INPP4B: variants seen among roughly 807,000 people sequenced by gnomAD.
INPP4B encodes inositol polyphosphate-4-phosphatase type II B.
Under a neutral mutation model 122.5 loss-of-function variants are expected in INPP4B, and 55 were observed. That is an observed-to-expected ratio of 0.45 (90% CI 0.36 to 0.56). The LOEUF (loss-of-function observed/expected upper bound fraction) is 0.56, where lower values mean the gene tolerates loss of function less well. Ranked by LOEUF, INPP4B falls within the 20% of genes least tolerant of loss-of-function variation. The probability of loss-of-function intolerance (pLI) is 0.00; values close to 1 mark genes in which losing one functional copy is unlikely to be tolerated. For synonymous variants in INPP4B, 403 were observed against 388.7 expected (o/e 1.04, Z -0.43); for missense variants, 1,000 against 1,097.7 (o/e 0.91, Z 1.26).
At position 142,467,100 on chromosome 4, in the gene INPP4B, C is replaced by T. The variant is rs528800329; in HGVS notation, c.-190-4374G>A. ...ACAGAGAAACTTTACTAGGGCAATG[C>T]GGAGGGGAAATGTGGGATTGGAGAC... On this transcript the variant is annotated intron_variant, in intron 2 of 25. Transcript: ENST00000262992. 6.6e-5 allele frequency among the ~76,000 whole-genome samples: 10 copies of T among 152,306 alleles called. No homozygotes were observed. The East Asian group carries it at 1.4e-3, about 21-fold the overall frequency.
intron 7 of INPP4B, among the ~76,000 whole-genome samples, chr4:142,323,849 G>A (rs1442872386): frequency 6.6e-6 from 1 of 151,956 alleles, no homozygotes; most frequent in Non-Finnish European, 1.5e-5. Context: ...CAGGTAAGGT[G>A]AGGGGTAGGG....
At chr4:142,369,822 T>C (rs760848206) in intron 7 of INPP4B, among the ~76,000 whole-genome samples, 4 of 151,208 alleles carry the variant, frequency 2.6e-5, no homozygotes, top group Non-Finnish European at 5.9e-5. Context: ...TCCCAGCTAC[T>C]TGGGAGGCTG....
chr4:142,053,730 G>A (rs1044048177), intron 25 of INPP4B, among the ~76,000 whole-genome samples: 2 of 152,042 alleles, frequency 1.3e-5, no homozygotes, highest in Non-Finnish European at 2.9e-5. Flanking sequence ...GTAGTAAGGT[G>A]CTAATTGCTA....
chr4:142,202,041 G>A (rs999130988), intron 14 of INPP4B, among the ~76,000 whole-genome samples: 2 of 151,862 alleles, frequency 1.3e-5, no homozygotes, highest in African/African-American at 4.8e-5. Context: ...TTTTAAATGT[G>A]TCTTCCTTTT....
chr4:142,196,343 CT>C (rs1311836544), intron 14 of INPP4B, among the ~76,000 whole-genome samples: 3 of 152,134 alleles, frequency 2.0e-5, no homozygotes, highest in African/African-American at 7.2e-5. Flanking sequence ...CAATTCCTAA[CT>C]GCTTGATGGG....
chr4:142,257,948 G>A (rs867245647), intron 11 of INPP4B, among the ~76,000 whole-genome samples: 1,658 of 150,918 alleles, frequency 0.011, 30 homozygotes, highest in African/African-American at 0.039. Context: ...CCTGACTTCA[G>A]ACTATACTAC....
chr4:142,164,048 A>G (rs563435395), intron 16 of INPP4B, among the ~76,000 whole-genome samples: 4 of 151,900 alleles, frequency 2.6e-5, no homozygotes, highest in Non-Finnish European at 5.9e-5. Flanking sequence ...AGAAAATGAA[A>G]GAGAAATGTT....
chr4:142,722,097 A>G (rs1257923161), intron 2 of INPP4B, among the ~76,000 whole-genome samples: 2 of 152,130 alleles, frequency 1.3e-5, no homozygotes, highest in East Asian at 3.9e-4. Flanking sequence ...TATGATATCA[A>G]ATTATATATA....
At chr4:142,078,612 A>C (rs930498646) in intron 25 of INPP4B, among the ~76,000 whole-genome samples, 10 of 152,146 alleles carry the variant, frequency 6.6e-5, no homozygotes, top group Admixed American at 6.6e-4. Context: ...AATAAGAGCC[A>C]AATGGAGCTT....
chr4:142,122,279 A>C, intron 20 of INPP4B, 34 bp from the exon 21 acceptor site: 1 of 1,463,174 alleles, frequency 6.8e-7, no homozygotes, highest in Non-Finnish European at 9.5e-7. Context: ...GCTACAAACA[A>C]ACATTTGAGG....
intron 24 of INPP4B, among the ~76,000 whole-genome samples, chr4:142,083,261 CAG>C (rs1229607717): frequency 6.6e-6 from 1 of 152,132 alleles, no homozygotes; most frequent in Non-Finnish European, 1.5e-5. Flanking sequence ...AGGATTCAAA[CAG>C]AACTCTACTT....
chr4:142,677,307 T>C (rs991807340), intron 2 of INPP4B, among the ~76,000 whole-genome samples: 13 of 151,858 alleles, frequency 8.6e-5, no homozygotes, highest in African/African-American at 3.1e-4. Context: ...TATCCCATTG[T>C]AGTTAGAATG....
chr4:142,830,366 C>A (rs569570571), intron 1 of INPP4B, among the ~76,000 whole-genome samples: 3 of 152,178 alleles, frequency 2.0e-5, no homozygotes, highest in African/African-American at 7.2e-5. Flanking sequence ...TTTTAGTGAC[C>A]TTGACAAAAG....
At chr4:142,642,117 T>C (rs1750639171) in intron 2 of INPP4B, among the ~76,000 whole-genome samples, 1 of 152,220 alleles carries the variant, frequency 6.6e-6, no homozygotes, top group Non-Finnish European at 1.5e-5. Context: ...TGGGGTTGTT[T>C]GTTTTTTTCT....
chr4:142,580,678 T>C (rs1734875115), intron 2 of INPP4B, among the ~76,000 whole-genome samples: 1 of 152,024 alleles, frequency 6.6e-6, no homozygotes, highest in Non-Finnish European at 1.5e-5. Context: ...TCTCATTAGC[T>C]TCACCTCCAC....
chr4:142,533,131 A>G (rs1827814982), intron 2 of INPP4B, among the ~76,000 whole-genome samples: 1 of 152,214 alleles, frequency 6.6e-6, no homozygotes. Flanking sequence ...TATGGCATTC[A>G]TTTTATCTTC....
chr4:142,732,496 G>A (rs1352525269), intron 1 of INPP4B, among the ~76,000 whole-genome samples: 2 of 151,926 alleles, frequency 1.3e-5, no homozygotes, highest in Non-Finnish European at 1.5e-5. Flanking sequence ...AGTAAATTTA[G>A]CAATGTTACT....
intron 2 of INPP4B, among the ~76,000 whole-genome samples, chr4:142,484,298 A>AT (rs988671133): frequency 2.0e-5 from 3 of 152,082 alleles, no homozygotes; most frequent in Admixed American, 6.6e-5. Context: ...AATTATTAGT[A>AT]TTTTTTAACA....
Position 142,108,104 on chromosome 4 carries a change from A to C in INPP4B, c.2363T>G (p.Met788Arg). The stretch of plus-strand genomic sequence containing the variant: ...ACTCACATACTTACAATCAGGAGGC[A>C]TCTTTTCCATAAATATCTTGTAATA... The part of the protein sequence containing the change: ...QEYYKIFMEK[M>R]PPDYISHFQE... Residue 788 changes from methionine to arginine, a missense_variant, in exon 23 of 26, where the codon ATG becomes AGG. By Grantham distance (91) the Met-to-Arg change is moderately conservative. Coordinates refer to ENST00000262992, the MANE Select transcript of INPP4B (RefSeq NM_001101669.3). The C allele has an allele frequency of 6.6e-7, 1 of 1,516,080 alleles. No homozygotes were observed. Among genetic ancestry groups the C allele is most frequent in the Admixed American group, 1.7e-5 (1 of 59,090 alleles). The allele number at this position is 1,516,080 out of a possible 1,614,324, so 93.9% of individuals were successfully genotyped here. A position where few individuals can be genotyped will look rare whatever the true frequency, so the allele number is the denominator to read the frequency against.
Sources: allele counts gnomAD v4.1 joint callset (sites outside exome capture counted in the v4.1 genomes callset), GRCh38; gene constraint gnomAD v4.1.1; transcripts MANE v1.5; gene names NCBI Gene and HGNC (gene_info 2026-07-23, HGNC 2026-07-21).